The following SMPD3 variants were observed in gnomAD, a reference collection of about 807,000 sequenced individuals.
The protein encoded by SMPD3 is nSMase-2.
A neutral mutation model predicts 55.7 loss-of-function variants in SMPD3; 21 were observed. The observed-to-expected ratio is 0.38, with a 90% confidence interval of 0.27 to 0.54. The LOEUF (loss-of-function observed/expected upper bound fraction) is 0.54. Among genes scored for constraint, SMPD3 ranks in the 20% least tolerant of loss-of-function variants. The pLI is 0.80. For missense variants in SMPD3, 842 were observed against 899.6 expected (o/e 0.94, Z 0.82); for synonymous variants, 457 against 404.3 (o/e 1.13, Z -1.56).
chr16:68,363,415 T>A, intron 7 of SMPD3, 81 bp downstream of exon 7: 1 of 1,503,084 alleles, frequency 6.7e-7, no homozygotes, highest in Non-Finnish European at 9.3e-7. Flanking sequence ...AGCTGAGCTC[T>A]CCCATGTGGG....
intron 1 of SMPD3, among the ~76,000 whole-genome samples, chr16:68,416,626 C>T (rs562618609): frequency 1.3e-5 from 2 of 152,366 alleles, no homozygotes; most frequent in East Asian, 3.9e-4. Context: ...CAGGAAGTAA[C>T]AATACTGCTA....
At chr16:68,391,895 CT>C (rs1282274409) in intron 1 of SMPD3, among the ~76,000 whole-genome samples, 4 of 152,138 alleles carry the variant, frequency 2.6e-5, no homozygotes, top group African/African-American at 4.8e-5. Flanking sequence ...TTCAACTTTT[CT>C]TTTTTTCTTT....
intron 1 of SMPD3, among the ~76,000 whole-genome samples, chr16:68,392,981 T>C (rs1359757536): frequency 6.6e-6 from 1 of 152,152 alleles, no homozygotes; most frequent in Non-Finnish European, 1.5e-5. Context: ...GATCTCAGAC[T>C]TCTAGCCTCT....
rs36087213 is a variant in SMPD3 at position 68,360,860 on chromosome 16, C to T, written c.*346G>A. 0.047 allele frequency: 11,393 copies of T among 243,212 alleles called. 319 individuals carry two copies. Among genetic ancestry groups the T allele is most frequent in the Middle Eastern group, 0.12 (83 of 708 alleles). 15.1% of individuals were successfully genotyped at this position (243,212 alleles called of 1,614,324 possible). ...ATTGGCAGCAGACAAAAATAAAGAACCCTGGACGAAGCTTAAGAGGAGATA... is the reference window on the plus strand; with the variant it reads ...ATTGGCAGCAGACAAAAATAAAGAATCCTGGACGAAGCTTAAGAGGAGATA... On this transcript the variant is annotated 3_prime_UTR_variant, in exon 9 of 9. Coordinates refer to ENST00000219334, the MANE Select transcript of SMPD3 (RefSeq NM_018667.4).
intron 2 of SMPD3, among the ~76,000 whole-genome samples, chr16:68,375,687 G>A (rs1175097263): frequency 6.6e-6 from 1 of 152,196 alleles, no homozygotes; most frequent in East Asian, 1.9e-4. Flanking sequence ...GAAACCCTGT[G>A]GGCCAGCTTC....
Position 68,404,179 on chromosome 16 carries a change from G to A in SMPD3, c.-268-17520C>T, listed in dbSNP as rs1263492817. Among the ~76,000 whole-genome samples the A allele has an allele frequency of 6.7e-6, 1 of 149,248 alleles. No homozygotes were observed. The highest frequency in any genetic ancestry group is 1.5e-5 in the Non-Finnish European group (1 of 67,332). Reference sequence around the variant, plus strand: ...TACTCAGTGCACACCACCACGCCCAGCTAATTTTTTTTTTTTTTTTTTGAG... The same window carrying A: ...TACTCAGTGCACACCACCACGCCCAACTAATTTTTTTTTTTTTTTTTTGAG... On this transcript the variant is annotated intron_variant, in intron 1 of 8. Coordinates refer to ENST00000219334, the MANE Select transcript of SMPD3 (RefSeq NM_018667.4). This position sits in a 1 kb window ranked among gnomAD's most constrained non-coding sequence, Gnocchi z 4.0.
rs1158182359 is a variant in SMPD3 at position 68,361,327 on chromosome 16, G to A, written c.1867-20C>T. 2 of 1,598,602 alleles carry A rather than the reference G, an allele frequency of 1.3e-6. No homozygotes were observed. The highest frequency in any genetic ancestry group is 2.3e-5 in the East Asian group (1 of 43,892). ...CACCTCCTGGGGTGAGTGGGAGAGG[G>A]GAGAAACAGCCTGGTCAGATTCCAA... On this transcript the variant is annotated intron_variant, in intron 8 of 8. Transcript: ENST00000219334.
chr16:68,375,651 C>T (rs975061637), intron 2 of SMPD3, among the ~76,000 whole-genome samples: 1 of 152,184 alleles, frequency 6.6e-6, no homozygotes, highest in South Asian at 2.1e-4. Flanking sequence ...CTGCCCTGGG[C>T]CCCCCTTTCT....
chr16:68,367,487 G>C (rs1470058383), intron 3 of SMPD3: 4 of 152,322 alleles, frequency 2.6e-5, no homozygotes, highest in Admixed American at 6.5e-5. Flanking sequence ...TGGTGTCTTT[G>C]CGGTTTCTCC....
chr16:68,423,741 C>T (rs889676736), intron 1 of SMPD3, among the ~76,000 whole-genome samples: 13 of 152,246 alleles, frequency 8.5e-5, no homozygotes, highest in African/African-American at 2.9e-4. Context: ...CTTAGGACCA[C>T]CTCATTTTTT....
intron 3 of SMPD3, 54 bp from the exon 4 acceptor site, chr16:68,365,146 G>T (rs929174277): frequency 1.9e-6 from 3 of 1,587,088 alleles, no homozygotes; most frequent in African/African-American, 1.3e-5. Context: ...GGCCCTGAGA[G>T]CACAGGACAC....
chr16:68,415,247 T>C (rs1170782974), intron 1 of SMPD3, among the ~76,000 whole-genome samples: 1 of 151,712 alleles, frequency 6.6e-6, no homozygotes, highest in Non-Finnish European at 1.5e-5. Context: ...GCTCCTGGAG[T>C]CCCTGACATT....
At position 68,371,593 on chromosome 16, in the gene SMPD3, C is replaced by A; in HGVS notation, c.589G>T (p.Ala197Ser). 2 of 1,573,968 alleles carry A rather than the reference C, an allele frequency of 1.3e-6. No individual in the cohort carries two copies. The highest frequency in any genetic ancestry group is 8.6e-7 in the Non-Finnish European group (1 of 1,160,384). The change falls in exon 3 of 9, where the codon GCC becomes TCC. Residue 197 changes from alanine (A) to serine (S), a missense_variant. Physicochemically the swap from Ala to Ser is moderately conservative, Grantham distance 99. Transcript: ENST00000219334. Reference protein sequence around the residue: ...LVSPQGGDGVARAVPGSIKRT... With the variant: ...LVSPQGGDGVSRAVPGSIKRT... The stretch of plus-strand genomic sequence containing the variant: ...TTAATGCTCCCGGGGACGGCCCGGG[C>A]CACCCCATCGCCGCCCTGTGGTGAC...
intron 1 of SMPD3, among the ~76,000 whole-genome samples, chr16:68,430,017 C>G (rs1317980889): frequency 1.3e-5 from 2 of 152,192 alleles, no homozygotes; most frequent in African/African-American, 4.8e-5. Flanking sequence ...GCAAGCCGTC[C>G]AGGCCCTTCT....
chr16:68,422,679 G>C (rs1479866064), intron 1 of SMPD3, among the ~76,000 whole-genome samples: 2 of 152,144 alleles, frequency 1.3e-5, no homozygotes, highest in Non-Finnish European at 1.5e-5. Flanking sequence ...CCACAGATCT[G>C]AGATGACTGC....
In SMPD3 at chr16:68,404,098, C is replaced by T. The variant is rs965338251; in HGVS notation, c.-268-17439G>A. ...TGGTGCCATCATGGCTCACTGCAGCCTCTGCCTCTCGGGCTCAAGAGATCC... is the reference window on the plus strand; with the variant it reads ...TGGTGCCATCATGGCTCACTGCAGCTTCTGCCTCTCGGGCTCAAGAGATCC... On this transcript the variant is annotated intron_variant, in intron 1 of 8. Transcript: ENST00000219334. The surrounding 1 kb of genome is among the most constrained non-coding windows in gnomAD (Gnocchi z 4.0). Among the ~76,000 whole-genome samples the T allele has an allele frequency of 1.3e-5, 2 of 152,026 alleles. No individual in the cohort carries two copies. Among genetic ancestry groups the T allele is most frequent in the African/African-American group, 4.8e-5 (2 of 41,392 alleles).
intron 1 of SMPD3, among the ~76,000 whole-genome samples, chr16:68,437,614 C>T (rs1211209835): frequency 6.6e-6 from 1 of 152,172 alleles, no homozygotes; most frequent in Non-Finnish European, 1.5e-5. Flanking sequence ...TCTCTTTCAT[C>T]CTCTATTATC....
chr16:68,409,063 G>A (rs921904582), intron 1 of SMPD3, among the ~76,000 whole-genome samples: 9 of 152,180 alleles, frequency 5.9e-5, no homozygotes, highest in African/African-American at 2.2e-4. Flanking sequence ...TGTAGGGAGA[G>A]GACCCTCGCT....
intron 1 of SMPD3, among the ~76,000 whole-genome samples, chr16:68,409,319 A>AT (rs1357254976): frequency 6.6e-6 from 1 of 152,158 alleles, no homozygotes; most frequent in Non-Finnish European, 1.5e-5. Context: ...GGGGAGAGGC[A>AT]TATCTGTAAG....
Sources: allele counts gnomAD v4.1 joint callset (sites outside exome capture counted in the v4.1 genomes callset), GRCh38; gene constraint gnomAD v4.1.1; non-coding constraint Gnocchi (gnomAD v3.1); transcripts MANE v1.5; gene names NCBI Gene and HGNC (gene_info 2026-07-23, HGNC 2026-07-21).